The following HCN2 variants were observed in gnomAD, a reference collection of about 807,000 sequenced individuals.
The protein encoded by HCN2 is potassium/sodium hyperpolarization-activated cyclic nucleotide-gated channel 2.
Under a neutral mutation model 52.3 loss-of-function variants are expected in HCN2, and 20 were observed. The observed-to-expected ratio is 0.38, with a 90% CI of 0.27 to 0.56. The LOEUF (loss-of-function observed/expected upper bound fraction) is 0.56. Ranked by LOEUF, HCN2 falls within the 20% of genes least tolerant of loss-of-function variation. HCN2 has a pLI of 0.71. For synonymous variants in HCN2, 694 were observed against 537.0 expected (o/e 1.29, Z -4.04); for missense variants, 981 against 1,207.7 (o/e 0.81, Z 2.78).
intron 6 of HCN2, 32 bp from the exon 7 acceptor site, chr19:613,820 T>A (rs772393334): frequency 6.7e-7 from 1 of 1,481,678 alleles, no homozygotes; most frequent in East Asian, 2.6e-5. Context: ...GCCCGCCTCG[T>A]CCAGCAACCC....
chr19:609,352 G>A (rs1410254078), intron 4 of HCN2, among the ~76,000 whole-genome samples: 1 of 152,186 alleles, frequency 6.6e-6, no homozygotes, highest in Admixed American at 6.5e-5. Context: ...TTTCTGGAAA[G>A]ATCATCAGGG....
rs1172627589 is a variant in HCN2, at chr19:603,821, A to G, written c.910A>G (p.Ile304Val). ...DFVSSIPVDY[I>V]FLIVEKGIDS... is the part of the protein sequence containing the mutation. Reference sequence around the variant, plus strand: ...CGTGTCCTCCATCCCCGTGGACTACATCTTCCTTATCGTGGAGAAGGGCAT... The same window carrying G: ...CGTGTCCTCCATCCCCGTGGACTACGTCTTCCTTATCGTGGAGAAGGGCAT... Residue 304 changes from isoleucine to valine, a missense_variant, in exon 2 of 8, where the codon ATC becomes GTC. By Grantham distance (29) the Ile-to-Val change is conservative. This residue lies in a region of HCN2 where 282 missense variants were observed against 553.8 expected (regional missense o/e 0.51). Coordinates refer to ENST00000251287, the MANE Select transcript of HCN2 (RefSeq NM_001194.4). 8 of 1,612,512 alleles carry G rather than the reference A, an allele frequency of 5.0e-6. No homozygotes were observed. The highest frequency in any genetic ancestry group is 2.2e-5 in the East Asian group (1 of 44,860).
In HCN2 at chr19:607,543, G is replaced by A. The variant is rs564384422; in HGVS notation, c.1219-421G>A. 1.1e-4 allele frequency among the ~76,000 whole-genome samples: 16 copies of A among 152,334 alleles called. No individual in the cohort carries two copies. The East Asian group carries it at 1.2e-3, about 11-fold the overall frequency. On this transcript the variant is annotated intron_variant, in intron 3 of 7. Coordinates refer to ENST00000251287, the MANE Select transcript of HCN2 (RefSeq NM_001194.4). ...CAGAGCCCCGCGGCTCCCCTTTCCC[G>A]GCCGGGTCAGCTGAGGACTTGGTGC...
At chr19:612,940 C>A (rs62132631) in intron 5 of HCN2, among the ~76,000 whole-genome samples, 53,188 of 151,562 alleles carry the variant, frequency 0.35, 9,485 homozygotes, top group African/African-American at 0.38. Flanking sequence ...TCGGCCTCCG[C>A]AAATGCTGAG....
intron 1 of HCN2, among the ~76,000 whole-genome samples, chr19:593,101 C>T (rs1296736005): frequency 1.3e-5 from 2 of 152,234 alleles, no homozygotes; most frequent in South Asian, 2.1e-4. Flanking sequence ...CCCCCAGGCA[C>T]GCCCTCACCC....
At chr19:602,945 C>T (rs72974105) in intron 1 of HCN2, among the ~76,000 whole-genome samples, 16,801 of 78,504 alleles carry the variant, frequency 0.21, 1,075 homozygotes, top group South Asian at 0.4. Flanking sequence ...GTCCTGCAGG[C>T]GCCTGGGGGG....
At chr19:614,143 G>C in intron 7 of HCN2, 127 bp downstream of exon 7, 2 of 708,248 alleles carry the variant, frequency 2.8e-6, no homozygotes, top group Non-Finnish European at 4.3e-6. Flanking sequence ...GGGCACGGTT[G>C]GGGCAGAGAC....
At position 595,719 on chromosome 19, in the gene HCN2, G is replaced by C. The variant is rs118122820; in HGVS notation, c.632+5142G>C. Among the ~76,000 whole-genome samples the C allele has an allele frequency of 3.1e-3, 478 of 151,856 alleles. 9 individuals carry two copies. Among genetic ancestry groups the C allele is most frequent in the Admixed American group, 0.023 (344 of 15,288 alleles). On this transcript the variant is annotated intron_variant, in intron 1 of 7. Transcript: ENST00000251287. ...AACATCTGCCCCGTCGGGATCACCCGGGAACCCGAGATCTCCCCCACCCGT... is the reference window on the plus strand; with the variant it reads ...AACATCTGCCCCGTCGGGATCACCCCGGAACCCGAGATCTCCCCCACCCGT...
rs143129942 is a variant in HCN2, at chr19:596,171, G to A, written c.632+5594G>A. ...CCTGCGTCGGCTTTGGGAACTTCAG[G>A]GGAAGAACCCTGAGCTCGGGGCAGG... is the stretch of plus-strand genomic sequence containing the variant. On this transcript the variant is annotated intron_variant, in intron 1 of 7. Transcript: ENST00000251287. Among the ~76,000 whole-genome samples the A allele has an allele frequency of 1.9e-3, 294 of 152,360 alleles. 13 individuals carry two copies. The South Asian group carries it at 0.052, about 27-fold the overall frequency.
At chr19:607,872 C>T (rs1983473273) in intron 3 of HCN2, 92 bp from the exon 4 acceptor site, 1 of 921,700 alleles carries the variant, frequency 1.1e-6, no homozygotes, top group Admixed American at 2.1e-5. Context: ...ACCTCCAGTG[C>T]TTGGCAGAGG....
intron 1 of HCN2, among the ~76,000 whole-genome samples, chr19:598,312 C>CT (rs555508733): frequency 1.5e-3 from 223 of 146,266 alleles, no homozygotes; most frequent in Admixed American, 2.3e-3. Context: ...TCAAGTCAGC[C>CT]TTTTTTTTTT....
chr19:604,274 T>G (rs1426974556), intron 2 of HCN2, among the ~76,000 whole-genome samples: 11 of 42,110 alleles, frequency 2.6e-4, no homozygotes, highest in Admixed American at 1.0e-3. Context: ...GAGATCTGGG[T>G]GGGGTCAAGG....
Position 613,500 on chromosome 19 carries a change from G to C in HCN2, c.1825+12G>C, listed in dbSNP as rs767819067. On this transcript the variant is annotated intron_variant, in intron 6 of 7. Coordinates refer to ENST00000251287, the MANE Select transcript of HCN2 (RefSeq NM_001194.4). Reference sequence around the variant, plus strand: ...CTCCTACTTCGGGGGTGAGCTTGAGGGGGGCGCGCCTGGAGGGGGAGGGGG... The same window carrying C: ...CTCCTACTTCGGGGGTGAGCTTGAGCGGGGCGCGCCTGGAGGGGGAGGGGG... 3.2e-6 allele frequency: 5 copies of C among 1,579,810 alleles called. No homozygotes were observed. The African/African-American group carries it at 4.1e-5, about 13-fold the overall frequency.
chr19:596,226 C>T (rs2144506707), intron 1 of HCN2, among the ~76,000 whole-genome samples: 1 of 152,368 alleles, frequency 6.6e-6, no homozygotes, highest in East Asian at 1.9e-4. Context: ...GGGTTCCCAT[C>T]CCACTGTTTC....
At chr19:614,897 G>GTGGGAA (rs948633854) in intron 7 of HCN2, among the ~76,000 whole-genome samples, 2 of 152,126 alleles carry the variant, frequency 1.3e-5, no homozygotes, top group Non-Finnish European at 2.9e-5. Context: ...GCTGCTGTTC[G>GTGGGAA]TGGGAATGGG....
chr19:593,832 T>C (rs1982944316), intron 1 of HCN2, among the ~76,000 whole-genome samples: 2 of 152,048 alleles, frequency 1.3e-5, no homozygotes, highest in South Asian at 4.1e-4. Flanking sequence ...GTGATCACGG[T>C]TGGTGCCTGA....
intron 6 of HCN2, 52 bp downstream of exon 6, chr19:613,540 G>A (rs1450377322): frequency 7.9e-7 from 1 of 1,266,162 alleles, no homozygotes; most frequent in Non-Finnish European, 1.1e-6. Context: ...CGACCCCCGC[G>A]GTGTGCAGAG....
chr19:602,387 C>T (rs1270879205), intron 1 of HCN2, among the ~76,000 whole-genome samples: 4 of 135,944 alleles, frequency 2.9e-5, no homozygotes, highest in Admixed American at 2.2e-4. Flanking sequence ...CCACTCCCTC[C>T]TCTCTCCTCC....
At chr19:607,206 A>G (rs933946489) in intron 3 of HCN2, among the ~76,000 whole-genome samples, 2 of 152,242 alleles carry the variant, frequency 1.3e-5, no homozygotes, top group African/African-American at 2.4e-5. Context: ...TAGGTCCCAG[A>G]TACTCCTTGC....
Sources: allele counts gnomAD v4.1 joint callset (sites outside exome capture counted in the v4.1 genomes callset), GRCh38; gene constraint gnomAD v4.1.1; regional missense constraint gnomAD v4.1.1; transcripts MANE v1.5; gene names NCBI Gene and HGNC (gene_info 2026-07-23, HGNC 2026-07-21).